Variants in ADGRB3 observed in about 807,000 individuals in gnomAD.
ADGRB3 encodes the protein adhesion G protein-coupled receptor B3.
Under a neutral mutation model 193.4 loss-of-function variants are expected in ADGRB3, and 37 were observed. The observed-to-expected ratio is 0.19, with a 90% CI of 0.15 to 0.25. ADGRB3 has a LOEUF of 0.25. Ranked by LOEUF, ADGRB3 falls within the 10% of genes least tolerant of loss-of-function variation. ADGRB3 has a pLI of 1.00. For synonymous variants in ADGRB3, 690 were observed against 644.2 expected, an observed-to-expected ratio of 1.07 and a Z score of -1.08; for missense variants, 1,637 against 1,852.9, an observed-to-expected ratio of 0.88 and a Z score of 2.14.
At chr6:68,849,734 C>G (rs1768358390) in intron 3 of ADGRB3, among the ~76,000 whole-genome samples, 1 of 151,930 alleles carries the variant, frequency 6.6e-6, no homozygotes, top group African/African-American at 2.4e-5. Context: ...GAACTTCCAT[C>G]TGTATCTTCT....
intron 5 of ADGRB3, among the ~76,000 whole-genome samples, chr6:68,936,944 G>C (rs1432354541): frequency 1.3e-5 from 2 of 152,048 alleles, no homozygotes; most frequent in Non-Finnish European, 2.9e-5. Flanking sequence ...TAATATTTAA[G>C]GTTCAATTAT....
intron 20 of ADGRB3, among the ~76,000 whole-genome samples, chr6:69,296,734 C>G (rs1018881989): frequency 1.3e-5 from 2 of 152,044 alleles, no homozygotes; most frequent in Non-Finnish European, 2.9e-5. Flanking sequence ...TATCCTCATA[C>G]CATGTCTATG....
chr6:69,155,020 T>G (rs1173957042), intron 17 of ADGRB3, among the ~76,000 whole-genome samples: 1 of 152,240 alleles, frequency 6.6e-6, no homozygotes, highest in Non-Finnish European at 1.5e-5. Context: ...ATATTGAAAA[T>G]GCATTTTGCC....
At chr6:68,708,448 C>A (rs1262414448) in intron 3 of ADGRB3, among the ~76,000 whole-genome samples, 2 of 152,096 alleles carry the variant, frequency 1.3e-5, no homozygotes, top group African/African-American at 4.8e-5. Context: ...TCTTTGAAAG[C>A]ATTTCTATTC....
At chr6:68,798,435 G>A (rs960651509) in intron 3 of ADGRB3, among the ~76,000 whole-genome samples, 3 of 149,040 alleles carry the variant, frequency 2.0e-5, no homozygotes, top group African/African-American at 4.9e-5. Flanking sequence ...CATTTAAAAC[G>A]TAAAGCTGTT....
Position 69,191,570 on chromosome 6 carries a change from A to C in ADGRB3, c.2481-41720A>C, listed in dbSNP as rs559821304. 9.6e-4 allele frequency among the ~76,000 whole-genome samples: 146 copies of C among 152,268 alleles called. 1 individual carries two copies. The highest frequency in any genetic ancestry group is 3.3e-3 in the African/African-American group (137 of 41,560). On this transcript the variant is annotated intron_variant, in intron 17 of 31. Coordinates refer to ENST00000370598, the MANE Select transcript of ADGRB3 (RefSeq NM_001704.3). The stretch of plus-strand genomic sequence containing the variant: ...AAATATGGCTTAAGTTATCTGAAAT[A>C]ATTATTTTGTGCTTATTATGGAATA...
intron 3 of ADGRB3, among the ~76,000 whole-genome samples, chr6:68,700,676 G>A (rs1765228190): frequency 6.6e-6 from 1 of 151,670 alleles, no homozygotes; most frequent in Admixed American, 6.6e-5. Context: ...TTTCTTCCTT[G>A]TAACTAAGGT....
chr6:68,999,466 G>A (rs1297230398), intron 11 of ADGRB3, among the ~76,000 whole-genome samples: 1 of 151,922 alleles, frequency 6.6e-6, no homozygotes, highest in Non-Finnish European at 1.5e-5. Flanking sequence ...GGGTTTCACC[G>A]TGTTAGCCAG....
At chr6:69,067,316 T>C (rs1389549987) in intron 16 of ADGRB3, among the ~76,000 whole-genome samples, 1 of 152,156 alleles carries the variant, frequency 6.6e-6, no homozygotes, top group African/African-American at 2.4e-5. Flanking sequence ...TTGCGTGCAT[T>C]CTAATAGCAT....
chr6:69,308,382 G>A (rs1392439729), intron 20 of ADGRB3, among the ~76,000 whole-genome samples: 1 of 151,334 alleles, frequency 6.6e-6, no homozygotes, highest in African/African-American at 2.4e-5. Context: ...AGTTAAGGGA[G>A]ATATGGAGGA....
intron 3 of ADGRB3, among the ~76,000 whole-genome samples, chr6:68,742,570 G>A (rs1342843238): frequency 6.6e-6 from 1 of 152,004 alleles, no homozygotes; most frequent in African/African-American, 2.4e-5. Flanking sequence ...ACCACCCAAA[G>A]AAGTCACTTA....
intron 3 of ADGRB3, among the ~76,000 whole-genome samples, chr6:68,879,658 G>C (rs1765684182): frequency 6.6e-6 from 1 of 152,054 alleles, no homozygotes; most frequent in African/African-American, 2.4e-5. Context: ...AGTGGTCTTG[G>C]GGAAAGTTTC....
At chr6:68,999,344 A>C (rs1769493028) in intron 11 of ADGRB3, among the ~76,000 whole-genome samples, 2 of 149,818 alleles carry the variant, frequency 1.3e-5, no homozygotes, top group South Asian at 4.2e-4. Flanking sequence ...CGCTCACTGC[A>C]AGCTCTGCCT....
chr6:69,274,128 G>C (rs1767239935), intron 20 of ADGRB3, among the ~76,000 whole-genome samples: 1 of 152,078 alleles, frequency 6.6e-6, no homozygotes, highest in South Asian at 2.1e-4. Context: ...TAAAGAAGAT[G>C]AAAAGATTAC....
At chr6:69,172,246 C>T (rs1233159779) in intron 17 of ADGRB3, among the ~76,000 whole-genome samples, 2 of 152,152 alleles carry the variant, frequency 1.3e-5, no homozygotes, top group East Asian at 3.9e-4. Context: ...ATAGAAAAAC[C>T]AAACCTAATT....
intron 3 of ADGRB3, among the ~76,000 whole-genome samples, chr6:68,883,015 T>G (rs1562069947): frequency 1.3e-5 from 2 of 152,104 alleles, no homozygotes; most frequent in Non-Finnish European, 2.9e-5. Flanking sequence ...TGCCTCAGCC[T>G]CCGGAGTAGC....
chr6:68,747,397 G>T (rs1386329365), intron 3 of ADGRB3, among the ~76,000 whole-genome samples: 1 of 152,102 alleles, frequency 6.6e-6, no homozygotes, highest in African/African-American at 2.4e-5. Flanking sequence ...TCATATTTGT[G>T]GCAGAGTTTG....
intron 11 of ADGRB3, among the ~76,000 whole-genome samples, chr6:68,996,512 A>C (rs1043024504): frequency 6.6e-6 from 1 of 152,208 alleles, no homozygotes; most frequent in African/African-American, 2.4e-5. Context: ...TATGTAGGTT[A>C]CCTACCTTTC....
At chr6:68,981,741 T>G (rs770070555) in intron 10 of ADGRB3, among the ~76,000 whole-genome samples, 11 of 151,632 alleles carry the variant, frequency 7.3e-5, no homozygotes, top group Non-Finnish European at 1.6e-4. Context: ...GGATTTGGCC[T>G]GCAGGCTGTA....
Sources: gnomAD v4.1 joint callset for allele counts (sites outside exome capture counted in the v4.1 genomes callset) on GRCh38, gnomAD v4.1.1 for gene constraint, MANE v1.5 for transcripts, NCBI Gene and HGNC (gene_info 2026-07-23, HGNC 2026-07-21) for gene names.